Variants in ARFGEF3 observed in about 807,000 individuals in gnomAD.
The protein encoded by ARFGEF3 is brefeldin A-inhibited guanine nucleotide-exchange protein 3.
In ARFGEF3, 96 loss-of-function variants were observed where a neutral mutation model predicts 221.7. The ratio of observed to expected loss-of-function variants is 0.43; its 90% CI spans 0.37 to 0.51. The LOEUF (loss-of-function observed/expected upper bound fraction) is 0.51. Among genes scored for constraint, ARFGEF3 ranks in the 20% least tolerant of loss-of-function variants. ARFGEF3 has a pLI of 0.00. For synonymous variants in ARFGEF3, 1,145 were observed against 1,126.8 expected (o/e 1.02, Z -0.32); for missense variants, 2,410 against 2,789.9 (o/e 0.86, Z 3.07).
intron 14 of ARFGEF3, among the ~76,000 whole-genome samples, chr6:138,282,573 C>G (rs1335120685): frequency 6.6e-6 from 1 of 152,196 alleles, no homozygotes; most frequent in East Asian, 1.9e-4. Context: ...TCAGAACATA[C>G]AGTGAGGTCT....
rs186769728 is a variant in ARFGEF3, at chr6:138,229,005, C to T, written c.352-779C>T. 7.6e-4 allele frequency among the ~76,000 whole-genome samples: 115 copies of T among 152,278 alleles called. 1 individual carries two copies. In the Middle Eastern group the frequency reaches 0.01, roughly 14 times the overall value. On this transcript the variant is annotated intron_variant, in intron 4 of 33. Coordinates refer to ENST00000251691, the MANE Select transcript of ARFGEF3 (RefSeq NM_020340.5). Reference sequence around the variant, plus strand: ...GCCACAGGCTTTTATTGATCTGTTCCCTAAAGGCTCTACAAGTAGAAAGTG... The same window carrying T: ...GCCACAGGCTTTTATTGATCTGTTCTCTAAAGGCTCTACAAGTAGAAAGTG...
chr6:138,286,704 T>A lies in ARFGEF3; in HGVS notation c.2573T>A (p.Val858Glu). 6.2e-7 allele frequency: 1 copy of A among 1,613,970 alleles called. No homozygotes were observed. The change falls in exon 16 of 34, where the codon GTG becomes GAG. Residue 858 changes from valine (V) to glutamate (E), a missense_variant. Around this residue, in one of 5 missense-constraint regions of ARFGEF3, gnomAD observed 594 missense variants for 734.3 expected, o/e 0.81. Transcript: ENST00000251691. ...CACACACCCCTCCATGTTCCAGGCGTGGCATTTGCTCGCTATATTCTGGTG... is the reference window on the plus strand; with the variant it reads ...CACACACCCCTCCATGTTCCAGGCGAGGCATTTGCTCGCTATATTCTGGTG... ...RRIDDSTVAG[V>E]AFARYILVGC...
At chr6:138,223,411 A>T (rs954059009) in intron 4 of ARFGEF3, among the ~76,000 whole-genome samples, 1 of 152,218 alleles carries the variant, frequency 6.6e-6, no homozygotes, top group African/African-American at 2.4e-5. Flanking sequence ...TGCGCCTGGC[A>T]TTAAGGTTTT....
rs114593044 is a variant in ARFGEF3, at chr6:138,174,799, T to G, written c.137+4086T>G. 4.9e-3 allele frequency among the ~76,000 whole-genome samples: 748 copies of G among 152,326 alleles called. 5 individuals are homozygous for G. Among genetic ancestry groups the G allele is most frequent in the African/African-American group, 0.018 (729 of 41,558 alleles). ...CTATTTTTTTCTTTTGCCACTTATT[T>G]GTTAATTTCATGTTAAATATAGTCC... On this transcript the variant is annotated intron_variant, in intron 2 of 33. Transcript: ENST00000251691.
intron 2 of ARFGEF3, among the ~76,000 whole-genome samples, chr6:138,185,753 T>C (rs1777171206): frequency 1.3e-5 from 2 of 152,168 alleles, no homozygotes; most frequent in Non-Finnish European, 2.9e-5. Context: ...CTCCATAAAT[T>C]ACTGATTTAC....
intron 28 of ARFGEF3, 51 bp from the exon 29 acceptor site, chr6:138,321,060 A>AC: frequency 9.7e-7 from 1 of 1,027,224 alleles, no homozygotes; most frequent in African/African-American, 1.6e-5. Context: ...ATTTCAATCT[A>AC]CCCCTTTACA....
intron 2 of ARFGEF3, among the ~76,000 whole-genome samples, chr6:138,187,929 G>C (rs541061606): frequency 6.6e-6 from 1 of 152,236 alleles, no homozygotes; most frequent in Middle Eastern, 3.4e-3. Flanking sequence ...ATTATACTAG[G>C]ATAGGAAATG....
At chr6:138,182,770 A>G (rs1777103804) in intron 2 of ARFGEF3, among the ~76,000 whole-genome samples, 1 of 152,166 alleles carries the variant, frequency 6.6e-6, no homozygotes. Flanking sequence ...GTAACAATTG[A>G]TATGGTTTTT....
intron 9 of ARFGEF3, 136 bp downstream of exon 9, chr6:138,254,120 A>G (rs1347644701): frequency 1.7e-6 from 1 of 588,628 alleles, no homozygotes; most frequent in Non-Finnish European, 2.8e-6. Context: ...CTTAGAGGGA[A>G]AGCAGGGAAA....
chr6:138,190,787 T>G (rs1416590518), intron 2 of ARFGEF3, among the ~76,000 whole-genome samples: 3 of 152,204 alleles, frequency 2.0e-5, no homozygotes, highest in Non-Finnish European at 4.4e-5. Context: ...ATAGGAAAAC[T>G]GGAAGATTAA....
At chr6:138,209,865 CAGGGGAG>C (rs769160281) in intron 3 of ARFGEF3, 38 bp from the exon 4 acceptor site, 2 of 1,601,022 alleles carry the variant, frequency 1.2e-6, no homozygotes, top group Non-Finnish European at 1.7e-6. Context: ...AATAAGGCAG[CAGGGGAG>C]AGCCTATCTG....
intron 2 of ARFGEF3, among the ~76,000 whole-genome samples, chr6:138,184,479 G>A (rs1184791887): frequency 6.6e-6 from 1 of 152,190 alleles, no homozygotes; most frequent in Non-Finnish European, 1.5e-5. Context: ...CCTGTGCTGG[G>A]TTTCAAAGTG....
At chr6:138,323,913 GT>G in intron 30 of ARFGEF3, 109 bp from the exon 31 acceptor site, 4 of 1,555,748 alleles carry the variant, frequency 2.6e-6, no homozygotes, top group Non-Finnish European at 3.5e-6. Flanking sequence ...TGAGAAAGAA[GT>G]TGCTGGGTCA....
rs143961381 is a variant in ARFGEF3 at position 138,341,392 on chromosome 6, A to G, written c.*4906A>G. On this transcript the variant is annotated 3_prime_UTR_variant, in exon 34 of 34. Transcript: ENST00000251691. The stretch of plus-strand genomic sequence containing the variant: ...TCGACATCCATAGTAACCATGTGCC[A>G]TAACATCTACACATTTCCACTTGTT... 1.7e-3 allele frequency: 265 copies of G among 154,928 alleles called. 1 individual carries two copies. Among genetic ancestry groups the G allele is most frequent in the African/African-American group, 6.0e-3 (250 of 41,622 alleles). The allele number at this position is 154,928 out of a possible 1,614,324, so 9.6% of individuals were successfully genotyped here. A position where few individuals can be genotyped will look rare whatever the true frequency, so the allele number is the denominator to read the frequency against.
intron 24 of ARFGEF3, among the ~76,000 whole-genome samples, chr6:138,310,942 CA>C (rs1383194208): frequency 6.6e-6 from 1 of 152,168 alleles, no homozygotes; most frequent in African/African-American, 2.4e-5. Context: ...AATCCTTTTC[CA>C]AATGGAGAGA....
chr6:138,262,775 G>A lies in ARFGEF3; in HGVS notation c.1292G>A (p.Cys431Tyr), dbSNP rs141026210. The A allele has an allele frequency of 3.7e-5, 59 of 1,613,926 alleles. No homozygotes were observed. Among genetic ancestry groups the A allele is most frequent in the Non-Finnish European group, 4.7e-5 (56 of 1,179,902 alleles). The change falls in exon 12 of 34, where the codon TGC becomes TAC. Residue 431 changes from cysteine to tyrosine, a missense_variant. Coordinates refer to ENST00000251691, the MANE Select transcript of ARFGEF3 (RefSeq NM_020340.5). ...TGCTATGCAGCCGTGTCCTGTGTCTGCACCTTGCTGGGTGCCCTGGATGAG... is the reference window on the plus strand; with the variant it reads ...TGCTATGCAGCCGTGTCCTGTGTCTACACCTTGCTGGGTGCCCTGGATGAG... ...EACYAAVSCV[C>Y]TLLGALDELS... is the part of the protein sequence containing the mutation.
chr6:138,283,941 A>G (rs1273674456), intron 14 of ARFGEF3, among the ~76,000 whole-genome samples: 1 of 152,212 alleles, frequency 6.6e-6, no homozygotes, highest in African/African-American at 2.4e-5. Context: ...TGTAAGAATC[A>G]AAGATACAGT....
chr6:138,327,453 A>T (rs770071112), intron 31 of ARFGEF3, among the ~76,000 whole-genome samples: 1 of 152,082 alleles, frequency 6.6e-6, no homozygotes, highest in African/African-American at 2.4e-5. Flanking sequence ...TGTTTCAAAA[A>T]ATATATATAT....
At position 138,255,736 on chromosome 6, in the gene ARFGEF3, G is replaced by C. The variant is rs1473785834; in HGVS notation, c.1071G>C (p.Gln357His). 1 of 1,591,540 alleles carries C rather than the reference G, an allele frequency of 6.3e-7. No individual in the cohort carries two copies. The highest frequency in any genetic ancestry group is 8.6e-7 in the Non-Finnish European group (1 of 1,165,014). The change falls in exon 10 of 34, where the codon CAG becomes CAC. Residue 357 changes from glutamine to histidine, a missense_variant. Gln to His is a conservative substitution (Grantham distance 24). Coordinates refer to ENST00000251691, the MANE Select transcript of ARFGEF3 (RefSeq NM_020340.5). ...YHRVLLYPPP[Q>H]HRVEAIKIMK... Reference sequence around the variant, plus strand: ...GAGTGCTGCTCTACCCCCCACCCCAGCACCGGGTGGAAGCCATCAAAATAA... The same window carrying C: ...GAGTGCTGCTCTACCCCCCACCCCACCACCGGGTGGAAGCCATCAAAATAA...
Sources: gnomAD v4.1 joint callset for allele counts (sites outside exome capture counted in the v4.1 genomes callset) on GRCh38, gnomAD v4.1.1 for gene constraint, gnomAD v4.1.1 regional missense constraint, MANE v1.5 for transcripts, NCBI Gene and HGNC (gene_info 2026-07-23, HGNC 2026-07-21) for gene names.